The following PDE4B variants were observed in gnomAD, a reference collection of about 807,000 sequenced individuals.
PDE4B encodes phosphodiesterase 4B.
PDE4B carries 20 observed loss-of-function variants against 82.2 expected under a neutral mutation model. The ratio of observed to expected loss-of-function variants is 0.24; its 90% CI spans 0.17 to 0.35. The LOEUF is 0.35. PDE4B is among the 10% of genes least tolerant of loss of function. The pLI, the probability that PDE4B is intolerant of heterozygous loss-of-function variation, is 1.00. For missense variants in PDE4B, 655 were observed against 907.2 expected, an observed-to-expected ratio of 0.72 and a Z score of 3.57; for synonymous variants, 320 against 318.9, an observed-to-expected ratio of 1.00 and a Z score of -0.04.
intron 3 of PDE4B, among the ~76,000 whole-genome samples, chr1:65,995,445 C>G (rs1203558793): frequency 6.6e-6 from 1 of 152,148 alleles, no homozygotes; most frequent in Non-Finnish European, 1.5e-5. Context: ...GATAAAGTCT[C>G]TAGCCTAATG....
intron 3 of PDE4B, among the ~76,000 whole-genome samples, chr1:65,989,767 A>G (rs1455964723): frequency 6.6e-6 from 1 of 151,968 alleles, no homozygotes; most frequent in Non-Finnish European, 1.5e-5. Context: ...CTCAAATAGT[A>G]TACTTTGCTG....
chr1:66,217,720 C>G (rs1650580734), intron 3 of PDE4B, among the ~76,000 whole-genome samples: 1 of 152,116 alleles, frequency 6.6e-6, no homozygotes, highest in African/African-American at 2.4e-5. Flanking sequence ...ATTTATCCAT[C>G]AAGGCCTAGG....
chr1:65,802,852 T>G (rs1022244998), intron 1 of PDE4B, among the ~76,000 whole-genome samples: 1 of 152,088 alleles, frequency 6.6e-6, no homozygotes, highest in African/African-American at 2.4e-5. Context: ...AAGGGAATTA[T>G]AAGCAAAAAA....
intron 3 of PDE4B, among the ~76,000 whole-genome samples, chr1:66,200,346 T>A (rs1648785031): frequency 6.6e-6 from 1 of 152,202 alleles, no homozygotes. Context: ...TTTGGTTCCA[T>A]ATGAACTTTA....
At chr1:66,229,992 G>A (rs2101629409) in intron 3 of PDE4B, among the ~76,000 whole-genome samples, 1 of 152,284 alleles carries the variant, frequency 6.6e-6, no homozygotes, top group East Asian at 1.9e-4. Flanking sequence ...AAGTATTACA[G>A]ATCTTTCCTA....
chr1:66,102,902 A>G (rs1022876995), intron 3 of PDE4B, among the ~76,000 whole-genome samples: 1 of 152,088 alleles, frequency 6.6e-6, no homozygotes, highest in African/African-American at 2.4e-5. Context: ...TTGTTACAAT[A>G]GTATTATTTT....
Position 66,367,797 on chromosome 1 carries a change from A to G in PDE4B, c.1486A>G (p.Met496Val), listed in dbSNP as rs761214632. The change falls in exon 14 of 17, where the codon ATG becomes GTG. Residue 496 changes from methionine to valine, a missense_variant. Met to Val is a conservative substitution (Grantham distance 21). Transcript: ENST00000341517. ...GCAAGAAGAACACTGTGACATCTTCATGAATCTCACCAAGAAGCAGCGTCA... is the reference window on the plus strand; with the variant it reads ...GCAAGAAGAACACTGTGACATCTTCGTGAATCTCACCAAGAAGCAGCGTCA... ...LLQEEHCDIF[M>V]NLTKKQRQTL... 3.1e-6 allele frequency: 5 copies of G among 1,613,764 alleles called. No homozygotes were observed. The highest frequency in any genetic ancestry group is 4.2e-6 in the Non-Finnish European group (5 of 1,179,820).
At chr1:65,868,895 G>C (rs1646542640) in intron 1 of PDE4B, among the ~76,000 whole-genome samples, 1 of 152,150 alleles carries the variant, frequency 6.6e-6, no homozygotes, top group African/African-American at 2.4e-5. Context: ...GATCTGATGT[G>C]GAACAGTTTC....
chr1:66,180,552 A>T (rs186021454), intron 3 of PDE4B, among the ~76,000 whole-genome samples: 41 of 152,316 alleles, frequency 2.7e-4, no homozygotes, highest in African/African-American at 9.4e-4. Context: ...AAGAAATGAT[A>T]AAAAGACATG....
Position 66,257,851 on chromosome 1 carries a change from G to C in PDE4B, c.572G>C (p.Gly191Ala), listed in dbSNP as rs1654365387. Reference sequence around the variant, plus strand: ...TTCACTATACTGACAAACCTTCATGGTACATCTAACAAGTAAGGATTGACT... The same window carrying C: ...TTCACTATACTGACAAACCTTCATGCTACATCTAACAAGTAAGGATTGACT... Reference protein sequence around the residue: ...NNFTILTNLHGTSNKRSPAAS... With the variant: ...NNFTILTNLHATSNKRSPAAS... Residue 191 changes from glycine (G) to alanine (A), a missense_variant, in exon 6 of 17, where the codon GGT (glycine) becomes GCT (alanine). Gly to Ala is a moderately conservative substitution (Grantham distance 60). Around this residue, in one of 3 missense-constraint regions of PDE4B, gnomAD observed 253 missense variants for 275.6 expected, o/e 0.92. Transcript: ENST00000341517. The C allele has an allele frequency of 1.2e-6, 2 of 1,611,818 alleles. No homozygotes were observed. The highest frequency in any genetic ancestry group is 1.3e-5 in the African/African-American group (1 of 74,828).
At chr1:65,981,081 A>C (rs1209054773) in intron 3 of PDE4B, among the ~76,000 whole-genome samples, 3 of 152,190 alleles carry the variant, frequency 2.0e-5, no homozygotes, top group Non-Finnish European at 4.4e-5. Flanking sequence ...GGGAGGCCCC[A>C]AAATATCAAT....
At chr1:66,012,159 T>C (rs1569971048) in intron 3 of PDE4B, among the ~76,000 whole-genome samples, 2 of 152,222 alleles carry the variant, frequency 1.3e-5, no homozygotes, top group East Asian at 3.9e-4. Flanking sequence ...CTAGGGGTTG[T>C]TTATTTTTCA....
chr1:66,060,145 A>G (rs1655509129), intron 3 of PDE4B, among the ~76,000 whole-genome samples: 1 of 152,198 alleles, frequency 6.6e-6, no homozygotes, highest in African/African-American at 2.4e-5. Flanking sequence ...TCAGGCAACA[A>G]TTTATATCTT....
At chr1:66,329,809 A>G (rs75244519) in intron 7 of PDE4B, among the ~76,000 whole-genome samples, 3,091 of 152,318 alleles carry the variant, frequency 0.02, 88 homozygotes, top group African/African-American at 0.07. Flanking sequence ...GAGAAAGTCA[A>G]TATTCATGAT....
intron 3 of PDE4B, among the ~76,000 whole-genome samples, chr1:66,224,484 C>T (rs927884374): frequency 6.6e-6 from 1 of 152,006 alleles, no homozygotes; most frequent in South Asian, 2.1e-4. Context: ...TTTGGGAGGC[C>T]GAGGCAGGTG....
At chr1:66,338,066 C>T (rs1468515200) in intron 8 of PDE4B, among the ~76,000 whole-genome samples, 2 of 152,222 alleles carry the variant, frequency 1.3e-5, no homozygotes, top group Non-Finnish European at 1.5e-5. Context: ...ACAGAACTAC[C>T]TTTACAGGTG....
chr1:65,927,225 C>A (rs1440519461), intron 3 of PDE4B, among the ~76,000 whole-genome samples: 6 of 151,474 alleles, frequency 4.0e-5, no homozygotes, highest in Non-Finnish European at 7.4e-5. Flanking sequence ...TTTTTTCAAG[C>A]TAAACTTTCT....
At chr1:66,198,200 G>T (rs951748002) in intron 3 of PDE4B, among the ~76,000 whole-genome samples, 4 of 152,130 alleles carry the variant, frequency 2.6e-5, no homozygotes, top group South Asian at 4.1e-4. Context: ...CTTTCCTAGT[G>T]ATTCCTGGGG....
At chr1:66,263,651 T>C (rs1019371450) in intron 6 of PDE4B, among the ~76,000 whole-genome samples, 9 of 152,178 alleles carry the variant, frequency 5.9e-5, no homozygotes, top group Admixed American at 2.6e-4. Flanking sequence ...TGTGCCAATA[T>C]GGACTGTAAC....
Sources: allele counts gnomAD v4.1 joint callset (sites outside exome capture counted in the v4.1 genomes callset), GRCh38; gene constraint gnomAD v4.1.1; regional missense constraint gnomAD v4.1.1; transcripts MANE v1.5; gene names NCBI Gene and HGNC (gene_info 2026-07-23, HGNC 2026-07-21).